The following SLC9C1 variants were observed in gnomAD, a reference collection of about 807,000 sequenced individuals.
The protein encoded by SLC9C1 is solute carrier family 9 member C1.
A neutral mutation model predicts 140.9 loss-of-function variants in SLC9C1; 97 were observed. The ratio of observed to expected loss-of-function variants is 0.69; its 90% CI spans 0.58 to 0.82. The LOEUF (loss-of-function observed/expected upper bound fraction) is 0.82, where lower values mean the gene tolerates loss of function less well. Among genes scored for constraint, SLC9C1 ranks in the 40% least tolerant of loss-of-function variants. The pLI is 0.00. For synonymous variants in SLC9C1, 440 were observed against 442.6 expected, an observed-to-expected ratio of 0.99 and a Z score of 0.07; for missense variants, 1,340 against 1,389.3, an observed-to-expected ratio of 0.96 and a Z score of 0.56.
At chr3:112,181,414 A>G (rs1207982327) in intron 21 of SLC9C1, among the ~76,000 whole-genome samples, 2 of 152,252 alleles carry the variant, frequency 1.3e-5, no homozygotes, top group Non-Finnish European at 1.5e-5. Context: ...GTAGAAAAAT[A>G]TAATTGGTCT....
At chr3:112,185,428 G>C in intron 20 of SLC9C1, 8 of 1,389,140 alleles carry the variant, frequency 5.8e-6, no homozygotes, top group Non-Finnish European at 7.9e-6. Context: ...GGGTGGGGGG[G>C]TCTCAGCCCA....
At chr3:112,185,526 A>C in intron 20 of SLC9C1, 2 of 1,612,906 alleles carry the variant, frequency 1.2e-6, no homozygotes, top group Non-Finnish European at 1.7e-6. Flanking sequence ...AAAGACTTGC[A>C]CAGGGGCCCC....
chr3:112,238,868 C>A (rs1030520271), intron 12 of SLC9C1, among the ~76,000 whole-genome samples: 3 of 152,190 alleles, frequency 2.0e-5, no homozygotes, highest in Non-Finnish European at 4.4e-5. Context: ...TCTGCCCCTA[C>A]TGGGGGGTGC....
chr3:112,172,033 G>A (rs2077256530), intron 23 of SLC9C1, among the ~76,000 whole-genome samples: 1 of 152,122 alleles, frequency 6.6e-6, no homozygotes, highest in South Asian at 2.1e-4. Flanking sequence ...AAATCAGGTA[G>A]TGTAAATCAT....
At chr3:112,280,639 A>T in intron 3 of SLC9C1, 44 bp downstream of exon 3, 1 of 1,497,954 alleles carries the variant, frequency 6.7e-7, no homozygotes, top group Non-Finnish European at 9.0e-7. Flanking sequence ...GCATTTATAT[A>T]ATTCTCAAAT....
chr3:112,180,053 T>G lies in SLC9C1; in HGVS notation c.2749-352A>C, dbSNP rs1345069734. On this transcript the variant is annotated intron_variant, in intron 22 of 28. Transcript: ENST00000305815. The stretch of plus-strand genomic sequence containing the variant: ...AAGTTTCCTGTTATCTGTGAGAAAG[T>G]ATGGCTTTAAAATGATGGATAGTGT... Among the ~76,000 whole-genome samples, 3 of 152,300 alleles carry G rather than the reference T, an allele frequency of 2.0e-5. No homozygotes were observed. In the East Asian group the frequency reaches 5.8e-4, roughly 29 times the overall value.
intron 7 of SLC9C1, 113 bp from the exon 8 acceptor site, chr3:112,266,453 A>C (rs2079921004): frequency 1.4e-6 from 1 of 736,288 alleles, no homozygotes; most frequent in Non-Finnish European, 2.1e-6. Context: ...TTTTATAGAG[A>C]GGCAACTTCA....
chr3:112,248,322 C>CAT (rs1481954057), intron 10 of SLC9C1, among the ~76,000 whole-genome samples: 12 of 152,128 alleles, frequency 7.9e-5, no homozygotes, highest in Non-Finnish European at 1.8e-4. Flanking sequence ...ATGAGAGAAA[C>CAT]AATCAGAGGC....
At chr3:112,261,099 T>C (rs904716711) in intron 10 of SLC9C1, among the ~76,000 whole-genome samples, 2 of 152,212 alleles carry the variant, frequency 1.3e-5, no homozygotes, top group Non-Finnish European at 2.9e-5. Flanking sequence ...TGAACTCTCC[T>C]TATGTGTTCC....
chr3:112,213,071 A>C (rs2078253572), intron 15 of SLC9C1, among the ~76,000 whole-genome samples: 1 of 152,220 alleles, frequency 6.6e-6, no homozygotes, highest in Non-Finnish European at 1.5e-5. Context: ...TAAAGAAAAG[A>C]ATTTTCAACC....
At chr3:112,187,653 A>G (rs1186814929) in intron 20 of SLC9C1, among the ~76,000 whole-genome samples, 1 of 152,166 alleles carries the variant, frequency 6.6e-6, no homozygotes, top group Non-Finnish European at 1.5e-5. Context: ...TATATAGGTG[A>G]TATATAAGAA....
chr3:112,167,429 C>A, intron 25 of SLC9C1, 82 bp from the exon 26 acceptor site: 2 of 1,396,000 alleles, frequency 1.4e-6, no homozygotes, highest in Non-Finnish European at 9.5e-7. Flanking sequence ...CTATTTCTGG[C>A]TTTCTCTAGG....
At chr3:112,211,000 G>A (rs1305907472) in intron 15 of SLC9C1, among the ~76,000 whole-genome samples, 1 of 151,940 alleles carries the variant, frequency 6.6e-6, no homozygotes, top group Non-Finnish European at 1.5e-5. Flanking sequence ...AATATATGGT[G>A]GTACCAAAAT....
Position 112,141,018 on chromosome 3 carries a change from A to C in SLC9C1, c.*254T>G, listed in dbSNP as rs2074605648. 2.7e-6 allele frequency: 1 copy of C among 365,662 alleles called. No homozygotes were observed. Among genetic ancestry groups the C allele is most frequent in the Non-Finnish European group, 5.0e-6 (1 of 199,556 alleles). 22.7% of individuals were successfully genotyped at this position (365,662 alleles called of 1,614,324 possible). On this transcript the variant is annotated 3_prime_UTR_variant, in exon 29 of 29. Coordinates refer to ENST00000305815, the MANE Select transcript of SLC9C1 (RefSeq NM_183061.3). Reference sequence around the variant, plus strand: ...CTTATTTTCTGGCTTTAAGACTAAAATTTACTCTAAGATTTTCTAAAATGT... The same window carrying C: ...CTTATTTTCTGGCTTTAAGACTAAACTTTACTCTAAGATTTTCTAAAATGT...
chr3:112,235,877 T>A (rs186002740), intron 12 of SLC9C1, among the ~76,000 whole-genome samples: 2 of 152,220 alleles, frequency 1.3e-5, no homozygotes, highest in Non-Finnish European at 2.9e-5. Flanking sequence ...TTGCCAGTAT[T>A]TTATTGAGGA....
At chr3:112,220,510 A>G (rs981395108) in intron 14 of SLC9C1, among the ~76,000 whole-genome samples, 12 of 152,222 alleles carry the variant, frequency 7.9e-5, no homozygotes, top group Non-Finnish European at 1.6e-4. Context: ...ACTGTTGTCT[A>G]GAGCTAGAAG....
intron 15 of SLC9C1, among the ~76,000 whole-genome samples, chr3:112,209,685 TCTATACA>T (rs1186724424): frequency 6.6e-6 from 1 of 152,164 alleles, no homozygotes; most frequent in African/African-American, 2.4e-5. Flanking sequence ...CAGTTGTATT[TCTATACA>T]CTAGAAAGTA....
chr3:112,185,422 G>T (rs565598983), intron 20 of SLC9C1: 42 of 1,267,782 alleles, frequency 3.3e-5, no homozygotes, highest in South Asian at 4.1e-5. Flanking sequence ...ACTCAGGGGT[G>T]GGGGGGTCTC....
At chr3:112,141,813 A>G (rs529445784) in intron 28 of SLC9C1, among the ~76,000 whole-genome samples, 86 of 152,352 alleles carry the variant, frequency 5.6e-4, no homozygotes, top group Middle Eastern at 3.4e-3. Context: ...TCATCCTTCT[A>G]ATTCCATAAT....
Sources: allele counts gnomAD v4.1 joint callset (sites outside exome capture counted in the v4.1 genomes callset), GRCh38; gene constraint gnomAD v4.1.1; transcripts MANE v1.5; gene names NCBI Gene and HGNC (gene_info 2026-07-23, HGNC 2026-07-21).